The following APC variants were observed in gnomAD, a reference collection of about 807,000 sequenced individuals.
APC encodes the protein adenomatous polyposis coli protein.
Under a neutral mutation model 247.0 loss-of-function variants are expected in APC, and 72 were observed. The ratio of observed to expected loss-of-function variants is 0.29; its 90% CI spans 0.24 to 0.35. The LOEUF (loss-of-function observed/expected upper bound fraction) is 0.35. APC is among the 10% of genes least tolerant of loss of function. APC has a pLI of 1.00. For missense variants in APC, 3,400 were observed against 3,360.7 expected, an observed-to-expected ratio of 1.01 and a Z score of -0.29; for synonymous variants, 1,254 against 1,162.5, an observed-to-expected ratio of 1.08 and a Z score of -1.60.
Position 112,819,161 on chromosome 5 carries a change from A to G in APC, c.1129A>G (p.Lys377Glu). The change falls in exon 10 of 16, where the codon AAA becomes GAA. Residue 377 changes from lysine (K) to glutamate (E), a missense_variant. Physicochemically the swap from Lys to Glu is moderately conservative, Grantham distance 56. This residue lies in a region of APC where 199 missense variants were observed against 212.5 expected (regional missense o/e 0.94). Transcript: ENST00000257430. ...SVLLGNSRGS[K>E]EARARASAAL... ...ATTGTTGGGAAATTCCCGGGGCAGT[A>G]AAGAGGCTCGGGCCAGGGCCAGTGC... 6.2e-7 allele frequency: 1 copy of G among 1,614,054 alleles called. No homozygotes were observed. Among genetic ancestry groups the G allele is most frequent in the Non-Finnish European group, 8.5e-7 (1 of 1,179,992 alleles).
At position 112,753,667 on chromosome 5, in the gene APC, G is replaced by A. The variant is rs77895789; in HGVS notation, c.-18-1206G>A. On this transcript the variant is annotated intron_variant, in intron 1 of 15. Transcript: ENST00000257430. ...ACCAGGTTTACTGTAGATTCTAGCC[G>A]TTGTAGAACTAACTAGATCTAAGAT... Among the ~76,000 whole-genome samples the A allele has an allele frequency of 3.9e-3, 593 of 152,174 alleles. 5 individuals are homozygous for A. The highest frequency in any genetic ancestry group is 0.013 in the African/African-American group (542 of 41,534).
Position 112,730,084 on chromosome 5 carries a change from A to G in APC, c.165+22202A>G, listed in dbSNP as rs111412595. Among the ~76,000 whole-genome samples, 787 of 152,314 alleles carry G rather than the reference A, an allele frequency of 5.2e-3. 9 individuals carry two copies. The highest frequency in any genetic ancestry group is 0.018 in the African/African-American group (734 of 41,566). ...TGCATTTAAAGAAATTTTGTTCCAG[A>G]TATTTTCCAGAGAGATCTGTATTTT... On this transcript the variant is annotated intron_variant, in intron 1 of 13. Transcript: ENST00000507379.
intron 13 of APC, 56 bp downstream of exon 13, chr5:112,828,062 TCTCA>T: frequency 7.1e-7 from 1 of 1,410,064 alleles, no homozygotes; most frequent in Non-Finnish European, 1.0e-6. Flanking sequence ...TGAGGCAGGG[TCTCA>T]CTCTGTCACC....
Position 112,843,069 on chromosome 5 carries a change from C to T in APC, c.7475C>T (p.Ser2492Phe), listed in dbSNP as rs1766489033. The T allele has an allele frequency of 1.9e-6, 3 of 1,613,994 alleles. No individual in the cohort carries two copies. The highest frequency in any genetic ancestry group is 2.2e-5 in the East Asian group (1 of 44,888). Reference protein sequence around the residue: ...PVLSPSLPDMSLSTHSSVQAG... With the variant: ...PVLSPSLPDMFLSTHSSVQAG... ...TTAAGTCCTTCCCTTCCTGATATGTCTCTATCCACACATTCGTCTGTTCAG... is the reference window on the plus strand; with the variant it reads ...TTAAGTCCTTCCCTTCCTGATATGTTTCTATCCACACATTCGTCTGTTCAG... Residue 2492 changes from serine to phenylalanine, a missense_variant, in exon 16 of 16, where the codon TCT (serine) becomes TTT (phenylalanine). Coordinates refer to ENST00000257430, the MANE Select transcript of APC (RefSeq NM_000038.6). The surrounding 1 kb of genome is among the most constrained non-coding windows in gnomAD (Gnocchi z 4.8).
chr5:112,838,137 A>G lies in APC; in HGVS notation c.2543A>G (p.Lys848Arg). The change falls in exon 16 of 16, where the codon AAA (lysine) becomes AGA (arginine). Residue 848 changes from lysine (K) to arginine (R), a missense_variant. Transcript: ENST00000257430. ...RGSLDSSRSE[K>R]DRSLERERGI... ...AGCTTAGATAGTTCTCGTTCTGAAAAAGATAGAAGTTTGGAGAGAGAACGC... is the reference window on the plus strand; with the variant it reads ...AGCTTAGATAGTTCTCGTTCTGAAAGAGATAGAAGTTTGGAGAGAGAACGC... 1 of 1,614,158 alleles carries G rather than the reference A, an allele frequency of 6.2e-7. No homozygotes were observed. Among genetic ancestry groups the G allele is most frequent in the Non-Finnish European group, 8.5e-7 (1 of 1,180,020 alleles).
intron 1 of APC, among the ~76,000 whole-genome samples, chr5:112,741,151 A>C (rs1201575411): frequency 1.3e-5 from 2 of 152,218 alleles, no homozygotes; most frequent in Admixed American, 6.5e-5. Context: ...GCTGGAGTCA[A>C]ATAAGACACG....
At chr5:112,741,786 TC>T (rs1322875015) in intron 1 of APC, among the ~76,000 whole-genome samples, 1 of 151,684 alleles carries the variant, frequency 6.6e-6, no homozygotes, top group Non-Finnish European at 1.5e-5. Context: ...CATTTTCCCC[TC>T]CCCCCAACCC....
At chr5:112,789,786 A>G (rs1279134857) in intron 6 of APC, among the ~76,000 whole-genome samples, 3 of 152,222 alleles carry the variant, frequency 2.0e-5, no homozygotes, top group African/African-American at 7.2e-5. Flanking sequence ...AAACTAGCAA[A>G]AGTACAGGTA....
chr5:112,760,926 C>T (rs917556626), intron 2 of APC, among the ~76,000 whole-genome samples: 10 of 152,056 alleles, frequency 6.6e-5, no homozygotes, highest in Admixed American at 4.6e-4. Context: ...TCTTCTGCCT[C>T]AGCCTCCCAA....
At chr5:112,811,982 T>C (rs567717892) in intron 8 of APC, among the ~76,000 whole-genome samples, 1 of 152,278 alleles carries the variant, frequency 6.6e-6, no homozygotes, top group Admixed American at 6.5e-5. Flanking sequence ...CAGATCCTCA[T>C]TGGATGTCAG....
intron 5 of APC, among the ~76,000 whole-genome samples, chr5:112,779,395 G>A (rs1247131846): frequency 6.6e-6 from 1 of 152,168 alleles, no homozygotes; most frequent in African/African-American, 2.4e-5. Context: ...CTGAAACAAA[G>A]ATCAGTTGTC....
intron 8 of APC, among the ~76,000 whole-genome samples, chr5:112,804,078 G>C (rs1484545867): frequency 6.6e-6 from 1 of 152,054 alleles, no homozygotes; most frequent in East Asian, 1.9e-4. Context: ...ACATTCCTTT[G>C]GTCTAAAACT....
chr5:112,833,630 A>C (rs1764549743), intron 14 of APC, among the ~76,000 whole-genome samples: 2 of 152,010 alleles, frequency 1.3e-5, no homozygotes, highest in African/African-American at 4.8e-5. Flanking sequence ...AGCACATGGC[A>C]AGTTTTGACC....
intron 8 of APC, among the ~76,000 whole-genome samples, chr5:112,810,522 G>T (rs1330824882): frequency 6.6e-6 from 1 of 152,194 alleles, no homozygotes; most frequent in Non-Finnish European, 1.5e-5. Context: ...GAGTCTAGGT[G>T]TATTGGTGAC....
rs1328658295 is a variant in APC at position 112,841,612 on chromosome 5, C to T, written c.6018C>T (p.Gly2006=). Reference sequence around the variant, plus strand: ...AACCAAGTAAACCTCAAGCATCAGGCTATGCTCCTAAATCATTTCATGTTG... The same window carrying T: ...AACCAAGTAAACCTCAAGCATCAGGTTATGCTCCTAAATCATTTCATGTTG... The part of the protein sequence containing the change: ...QGEPSKPQAS[G]YAPKSFHVED... Residue 2006 remains glycine (G), a synonymous_variant, in exon 16 of 16, where the codon GGC becomes GGT. Transcript: ENST00000257430. This position sits in a 1 kb window ranked among gnomAD's most constrained non-coding sequence, Gnocchi z 4.6. The T allele has an allele frequency of 6.2e-7, 1 of 1,612,940 alleles. No homozygotes were observed. The highest frequency in any genetic ancestry group is 1.3e-5 in the African/African-American group (1 of 74,884).
chr5:112,784,106 C>CA (rs1299809693), intron 6 of APC, among the ~76,000 whole-genome samples: 1 of 152,108 alleles, frequency 6.6e-6, no homozygotes, highest in Non-Finnish European at 1.5e-5. Context: ...CTTGCTCTGT[C>CA]ACACAGGCTG....
intron 1 of APC, among the ~76,000 whole-genome samples, chr5:112,710,995 T>G (rs1013437607): frequency 2.0e-5 from 3 of 152,246 alleles, no homozygotes; most frequent in African/African-American, 4.8e-5. Flanking sequence ...AAAAGTTATC[T>G]GTGACCTCCG....
rs757814834 is a variant in APC, at chr5:112,821,977, C to A, written c.1394C>A (p.Ala465Glu). 6.2e-7 allele frequency: 1 copy of A among 1,610,396 alleles called. No individual in the cohort carries two copies. The change falls in exon 11 of 16, where the codon GCA becomes GAA. Residue 465 changes from alanine (A) to glutamate (E), a missense_variant. Ala to Glu is a moderately radical substitution (Grantham distance 107). Coordinates refer to ENST00000257430, the MANE Select transcript of APC (RefSeq NM_000038.6). ...KLSFDEEHRH[A>E]MNELGGLQAI... ...TCATTTGATGAAGAGCATAGACATG[C>A]AATGAATGAACTAGGTAAGACAAAA...
In APC at chr5:112,780,784, T is replaced by C. The variant is rs1554072543; in HGVS notation, c.532-6T>C. On this transcript the variant is annotated splice_region_variant and splice_polypyrimidine_tract_variant and intron_variant, in intron 5 of 15. Coordinates refer to ENST00000257430, the MANE Select transcript of APC (RefSeq NM_000038.6). ...ATTGATACTTTTTTATTATTTGTGG[T>C]TTTAGTTTTCCTTACAAACAGATAT... 2 of 1,588,418 alleles carry C rather than the reference T, an allele frequency of 1.3e-6. No homozygotes were observed. Among genetic ancestry groups the C allele is most frequent in the Non-Finnish European group, 8.6e-7 (1 of 1,157,922 alleles).
Sources: gnomAD v4.1 joint callset for allele counts (sites outside exome capture counted in the v4.1 genomes callset) on GRCh38, gnomAD v4.1.1 for gene constraint, gnomAD v4.1.1 regional missense constraint, Gnocchi (gnomAD v3.1) non-coding constraint, MANE v1.5 for transcripts, NCBI Gene and HGNC (gene_info 2026-07-23, HGNC 2026-07-21) for gene names.